The following WDTC1 variants were observed in gnomAD, a reference collection of about 807,000 sequenced individuals.
WDTC1 encodes the protein WD and tetratricopeptide repeats 1, also known as WD and tetratricopeptide repeats protein 1.
Under a neutral mutation model 76.0 loss-of-function variants are expected in WDTC1, and 12 were observed. The ratio of observed to expected loss-of-function variants is 0.16; its 90% CI spans 0.10 to 0.26. The LOEUF is 0.26. Ranked by LOEUF, WDTC1 falls within the 10% of genes least tolerant of loss-of-function variation. The probability of loss-of-function intolerance (pLI) is 1.00; values close to 1 mark genes in which losing one functional copy is unlikely to be tolerated. For missense variants in WDTC1, 511 were observed against 908.8 expected, an observed-to-expected ratio of 0.56 and a Z score of 5.63; for synonymous variants, 326 against 350.8, an observed-to-expected ratio of 0.93 and a Z score of 0.79.
Position 27,261,027 on chromosome 1 carries a change from C to T in WDTC1, c.-28C>T, listed in dbSNP as rs745741170. ...AGGGGTCCTGAAGATCCTATTATAGCTTCCTTCTGTTGAACCATTAAGAAA... is the reference window on the plus strand; with the variant it reads ...AGGGGTCCTGAAGATCCTATTATAGTTTCCTTCTGTTGAACCATTAAGAAA... On this transcript the variant is annotated 5_prime_UTR_variant, in exon 2 of 16. Transcript: ENST00000319394. 1 of 1,613,878 alleles carries T rather than the reference C, an allele frequency of 6.2e-7. No individual in the cohort carries two copies. The highest frequency in any genetic ancestry group is 8.5e-7 in the Non-Finnish European group (1 of 1,179,824).
intron 9 of WDTC1, 65 bp from the exon 10 acceptor site, chr1:27,296,261 T>A: frequency 9.4e-6 from 15 of 1,589,736 alleles, no homozygotes; most frequent in Non-Finnish European, 1.3e-5. Flanking sequence ...CAAGACCTGC[T>A]TACTGGTTCA....
In WDTC1 at chr1:27,306,602, AAG is replaced by A; in HGVS notation, c.*222_*223del. On this transcript the variant is annotated 3_prime_UTR_variant, in exon 16 of 16. Coordinates refer to ENST00000319394, the MANE Select transcript of WDTC1 (RefSeq NM_001276252.2). This position sits in a 1 kb window ranked among gnomAD's most constrained non-coding sequence, Gnocchi z 5.0. ...CCTGACTATCCCCAGCCCTGAAAAA[AAG>A]AGCAGGAGGGGACACCCCTCCATAT... 3.2e-6 allele frequency: 2 copies of A among 620,446 alleles called. No homozygotes were observed. The highest frequency in any genetic ancestry group is 5.5e-6 in the Non-Finnish European group (2 of 361,316). 38.4% of individuals were successfully genotyped at this position (620,446 alleles called of 1,614,324 possible).
In WDTC1 at chr1:27,306,443, G is replaced by T. The variant is rs1198917850; in HGVS notation, c.*60G>T. ...GCTGGACCCTCTGCCCTGGGCAGGAGGTCAGGGGATTCTGTTTTGGTTTGT... is the reference window on the plus strand; with the variant it reads ...GCTGGACCCTCTGCCCTGGGCAGGATGTCAGGGGATTCTGTTTTGGTTTGT... On this transcript the variant is annotated 3_prime_UTR_variant, in exon 16 of 16. Transcript: ENST00000319394. This position sits in a 1 kb window ranked among gnomAD's most constrained non-coding sequence, Gnocchi z 5.0. 5 of 1,551,076 alleles carry T rather than the reference G, an allele frequency of 3.2e-6. No homozygotes were observed. The East Asian group carries it at 1.1e-4, about 35-fold the overall frequency.
intron 6 of WDTC1, among the ~76,000 whole-genome samples, chr1:27,290,584 G>A (rs2013509252): frequency 6.6e-6 from 1 of 152,206 alleles, no homozygotes; most frequent in South Asian, 2.1e-4. Context: ...GAGGGGGCAA[G>A]CCACCCGGAA....
At chr1:27,268,824 C>T (rs1233965407) in intron 3 of WDTC1, among the ~76,000 whole-genome samples, 54 of 151,616 alleles carry the variant, frequency 3.6e-4, no homozygotes, top group Non-Finnish European at 5.6e-4. Flanking sequence ...AAGTGATTCT[C>T]CTGCCTCAGC....
At chr1:27,294,686 G>A (rs1027080808) in intron 9 of WDTC1, 57 bp downstream of exon 9, 2 of 1,481,644 alleles carry the variant, frequency 1.3e-6, no homozygotes, top group African/African-American at 2.8e-5. Flanking sequence ...AGCAGCCAGG[G>A]GCATGTACCT....
At position 27,305,425 on chromosome 1, in the gene WDTC1, C is replaced by T. The variant is rs1395315067; in HGVS notation, c.1836+232C>T. 6.6e-6 allele frequency among the ~76,000 whole-genome samples: 1 copy of T among 152,226 alleles called. No homozygotes were observed. Among genetic ancestry groups the T allele is most frequent in the Non-Finnish European group, 1.5e-5 (1 of 68,032 alleles). ...CACAAGGGAACTATGCAGGCTTTGG[C>T]ATCTGGTAGGCCTAAGTTTGAATCC... On this transcript the variant is annotated intron_variant, in intron 15 of 15. Coordinates refer to ENST00000319394, the MANE Select transcript of WDTC1 (RefSeq NM_001276252.2). This position sits in a 1 kb window ranked among gnomAD's most constrained non-coding sequence, Gnocchi z 4.6.
At chr1:27,281,832 GCCCAAAGCAGATTGGGCAGCCT>G (rs917688411) in intron 3 of WDTC1, among the ~76,000 whole-genome samples, 2 of 152,068 alleles carry the variant, frequency 1.3e-5, no homozygotes, top group African/African-American at 4.8e-5. Context: ...CAAGCAATCT[GCCCAAAGCAGATTGGGCAGCCT>G]CCCAAAGCAC....
chr1:27,268,670 G>A (rs1042616403), intron 3 of WDTC1, among the ~76,000 whole-genome samples: 4 of 151,366 alleles, frequency 2.6e-5, no homozygotes, highest in Non-Finnish European at 5.9e-5. Flanking sequence ...ACCCACCTCG[G>A]CCTCCCAAGT....
chr1:27,260,941 AT>A lies in WDTC1; in HGVS notation c.-99-8del, dbSNP rs201834760. On this transcript the variant is annotated splice_polypyrimidine_tract_variant and intron_variant, in intron 1 of 15. Coordinates refer to ENST00000319394, the MANE Select transcript of WDTC1 (RefSeq NM_001276252.2). Reference sequence around the variant, plus strand: ...ATTATCCATCCTCCAAAGTTTGATGATTTTTTTCCCCCAGGTAATTAAATGT... The same window carrying A: ...ATTATCCATCCTCCAAAGTTTGATGATTTTTTCCCCCAGGTAATTAAATGT... 4.9e-4 allele frequency: 609 copies of A among 1,232,568 alleles called. 3 individuals are homozygous for A. The African/African-American group carries it at 7.6e-3, about 15-fold the overall frequency. 76.4% of individuals were successfully genotyped at this position (1,232,568 alleles called of 1,614,324 possible).
At chr1:27,285,232 T>G (rs2013299558) in intron 5 of WDTC1, among the ~76,000 whole-genome samples, 1 of 151,984 alleles carries the variant, frequency 6.6e-6, no homozygotes, top group Non-Finnish European at 1.5e-5. Flanking sequence ...AGATAGGGTT[T>G]CACCATGTTG....
chr1:27,296,929 T>C (rs958802744), intron 10 of WDTC1, 119 bp from the exon 11 acceptor site: 1 of 894,144 alleles, frequency 1.1e-6, no homozygotes, highest in Non-Finnish European at 1.8e-6. Context: ...GATCTTACTC[T>C]GGGAGAACAG....
chr1:27,303,675 G>A lies in WDTC1; in HGVS notation c.1523G>A (p.Arg508His), dbSNP rs867685136. 6.2e-6 allele frequency: 10 copies of A among 1,612,730 alleles called. No individual in the cohort carries two copies. In the Middle Eastern group the frequency reaches 8.3e-4, roughly 133 times the overall value. Residue 508 changes from arginine (R) to histidine (H), a missense_variant, in exon 14 of 16, where the codon CGC becomes CAC. Transcript: ENST00000319394. The surrounding 1 kb of genome is among the most constrained non-coding windows in gnomAD (Gnocchi z 4.8). ...CCAGTCCGCCTCCGCAGCACGAGCC[G>A]CAAGGACTCCATCTCAGAGGATGAA... Reference protein sequence around the residue: ...GAPVRLRSTSRKDSISEDEMV... With the variant: ...GAPVRLRSTSHKDSISEDEMV...
intron 1 of WDTC1, among the ~76,000 whole-genome samples, chr1:27,247,918 A>G (rs1432831317): frequency 2.6e-5 from 4 of 152,038 alleles, no homozygotes; most frequent in African/African-American, 4.8e-5. Flanking sequence ...GGGTTTCTCC[A>G]CGTTGGCCAG....
At chr1:27,237,422 T>C (rs2011513775) in intron 1 of WDTC1, among the ~76,000 whole-genome samples, 1 of 152,192 alleles carries the variant, frequency 6.6e-6, no homozygotes, top group South Asian at 2.1e-4. Context: ...CTTTCTTCTT[T>C]CCACCTCACC....
At chr1:27,289,865 A>G (rs2013481924) in intron 6 of WDTC1, among the ~76,000 whole-genome samples, 1 of 152,232 alleles carries the variant, frequency 6.6e-6, no homozygotes, top group African/African-American at 2.4e-5. Flanking sequence ...CGCGCCTGCA[A>G]TCGCAGGCAC....
intron 1 of WDTC1, among the ~76,000 whole-genome samples, chr1:27,237,614 C>T (rs542183393): frequency 6.8e-4 from 104 of 152,202 alleles, no homozygotes; most frequent in South Asian, 3.1e-3. Flanking sequence ...CTTTGGGAGG[C>T]TGAGGTGGGC....
chr1:27,287,506 C>A (rs956015909), intron 5 of WDTC1, among the ~76,000 whole-genome samples, 168 bp from the exon 6 acceptor site: 4 of 152,086 alleles, frequency 2.6e-5, no homozygotes, highest in Admixed American at 2.0e-4. Flanking sequence ...CCTGCCTCAG[C>A]CTGCTGAGCA....
At chr1:27,260,487 T>C (rs1436464485) in intron 1 of WDTC1, among the ~76,000 whole-genome samples, 1 of 152,194 alleles carries the variant, frequency 6.6e-6, no homozygotes, top group Non-Finnish European at 1.5e-5. Context: ...CACTGTTTAA[T>C]TCTGTGAATC....
Sources: gnomAD v4.1 joint callset for allele counts (sites outside exome capture counted in the v4.1 genomes callset) on GRCh38, gnomAD v4.1.1 for gene constraint, Gnocchi (gnomAD v3.1) non-coding constraint, MANE v1.5 for transcripts, NCBI Gene and HGNC (gene_info 2026-07-23, HGNC 2026-07-21) for gene names.